Variants in MYO3B observed in about 807,000 individuals in gnomAD.
MYO3B encodes myosin-IIIb.
A neutral mutation model predicts 174.6 loss-of-function variants in MYO3B; 156 were observed. That is an observed-to-expected ratio of 0.89 (90% CI 0.78 to 1.02). The LOEUF (loss-of-function observed/expected upper bound fraction) is 1.02, where lower values mean the gene tolerates loss of function less well. Ranked by LOEUF, MYO3B falls within the 50% of genes least tolerant of loss-of-function variation. The pLI, the probability that MYO3B is intolerant of heterozygous loss-of-function variation, is 0.00. For missense variants in MYO3B, 1,632 were observed against 1,639.4 expected (o/e 1.00, Z 0.08); for synonymous variants, 563 against 569.1 (o/e 0.99, Z 0.15).
chr2:170,400,794 A>G (rs985180454), intron 17 of MYO3B, among the ~76,000 whole-genome samples: 1 of 152,072 alleles, frequency 6.6e-6, no homozygotes, highest in African/African-American at 2.4e-5. Context: ...AGTATTCTGC[A>G]GAAAAGAATT....
At chr2:170,553,791 T>C (rs1691087265) in intron 32 of MYO3B, among the ~76,000 whole-genome samples, 1 of 152,156 alleles carries the variant, frequency 6.6e-6, no homozygotes, top group Non-Finnish European at 1.5e-5. Context: ...TCCCCAGTGT[T>C]GGGAGAGAGA....
chr2:170,489,928 G>A (rs553496842), intron 25 of MYO3B, among the ~76,000 whole-genome samples: 1 of 150,890 alleles, frequency 6.6e-6, no homozygotes, highest in African/African-American at 2.4e-5. Context: ...ATGTTTTGTA[G>A]TTTTCAATGT....
chr2:170,247,261 T>A (rs2093201501), intron 7 of MYO3B, among the ~76,000 whole-genome samples: 1 of 152,176 alleles, frequency 6.6e-6, no homozygotes, highest in Admixed American at 6.5e-5. Flanking sequence ...GAGAGGTAGC[T>A]GTTGTGGCCT....
intron 7 of MYO3B, among the ~76,000 whole-genome samples, chr2:170,296,790 T>G (rs3845740): frequency 0.68 from 103,276 of 152,032 alleles, 35,224 homozygotes; most frequent in Admixed American, 0.73. Flanking sequence ...TGAGGAGGCT[T>G]CAAAAAACTT....
At chr2:170,225,764 T>G (rs2092945491) in intron 6 of MYO3B, among the ~76,000 whole-genome samples, 1 of 152,116 alleles carries the variant, frequency 6.6e-6, no homozygotes, top group Non-Finnish European at 1.5e-5. Flanking sequence ...TATTTCTGAC[T>G]AGTAAAATGG....
intron 32 of MYO3B, among the ~76,000 whole-genome samples, chr2:170,625,696 TA>T (rs1696354412): frequency 1.3e-5 from 2 of 152,152 alleles, no homozygotes; most frequent in South Asian, 4.1e-4. Context: ...CATTTAGTGC[TA>T]TAAGTTTCCC....
intron 32 of MYO3B, among the ~76,000 whole-genome samples, chr2:170,614,896 A>G (rs1695350873): frequency 6.6e-6 from 1 of 152,114 alleles, no homozygotes; most frequent in South Asian, 2.1e-4. Flanking sequence ...CTTGGAAGGT[A>G]ACTCTTACTA....
At chr2:170,308,943 G>T in intron 7 of MYO3B, among the ~76,000 whole-genome samples, 1 of 152,170 alleles carries the variant, frequency 6.6e-6, no homozygotes, top group Non-Finnish European at 1.5e-5. Flanking sequence ...AGGGGCCTGG[G>T]GTTAGACTGA....
At chr2:170,456,952 C>T (rs1683941663) in intron 23 of MYO3B, among the ~76,000 whole-genome samples, 1 of 152,222 alleles carries the variant, frequency 6.6e-6, no homozygotes, top group East Asian at 1.9e-4. Context: ...TAAGCTATCG[C>T]CTTTCGCTGT....
intron 32 of MYO3B, among the ~76,000 whole-genome samples, chr2:170,609,821 T>C (rs1034424754): frequency 6.6e-6 from 1 of 152,192 alleles, no homozygotes; most frequent in African/African-American, 2.4e-5. Flanking sequence ...TAGAGGAACT[T>C]CAGCCCTGCC....
chr2:170,198,255 G>T (rs1387671290), intron 1 of MYO3B, among the ~76,000 whole-genome samples: 1 of 151,998 alleles, frequency 6.6e-6, no homozygotes, highest in Non-Finnish European at 1.5e-5. Flanking sequence ...CCTTTCACTG[G>T]CTGCTTAAGG....
chr2:170,216,803 T>C lies in MYO3B; in HGVS notation c.527-516T>C, dbSNP rs531811907. 2.0e-5 allele frequency among the ~76,000 whole-genome samples: 3 copies of C among 152,306 alleles called. No individual in the cohort carries two copies. In the East Asian group the frequency reaches 5.8e-4, roughly 29 times the overall value. On this transcript the variant is annotated intron_variant, in intron 5 of 34. Transcript: ENST00000408978. ...AGTCATGTGAAATAATTTGGAAATA[T>C]AATAGGATGATATTTTGGATTGATC... is the stretch of plus-strand genomic sequence containing the variant.
intron 7 of MYO3B, among the ~76,000 whole-genome samples, chr2:170,272,290 A>G (rs2093431062): frequency 6.6e-6 from 1 of 152,052 alleles, no homozygotes; most frequent in African/African-American, 2.4e-5. Context: ...TCTGAGGCTC[A>G]CTCAAACTTG....
In MYO3B at chr2:170,537,448, ATTT is replaced by A. The variant is rs559086883; in HGVS notation, c.3576-5427_3576-5425del. Among the ~76,000 whole-genome samples the A allele has an allele frequency of 2.6e-4, 14 of 54,812 alleles. No homozygotes were observed. In the East Asian group the frequency reaches 5.1e-3, roughly 20 times the overall value. The allele number at this position is 54,812 out of a possible 152,430, so 36.0% of individuals were successfully genotyped here. On this transcript the variant is annotated intron_variant, in intron 30 of 34. Transcript: ENST00000408978. ...ACCTTCTCTTATTAAGAGCTCTTTG[ATTT>A]TTTTTTTTTTTTTTTTTTTTTTTTT...
intron 32 of MYO3B, among the ~76,000 whole-genome samples, chr2:170,587,938 A>G (rs1293940002): frequency 6.6e-6 from 1 of 152,212 alleles, no homozygotes; most frequent in African/African-American, 2.4e-5. Flanking sequence ...AATTTTCAGT[A>G]TGGATGAAAC....
chr2:170,459,931 C>G (rs1170458837), intron 23 of MYO3B, among the ~76,000 whole-genome samples: 3 of 152,106 alleles, frequency 2.0e-5, no homozygotes, highest in African/African-American at 7.2e-5. Context: ...GCAGGGCCGA[C>G]TGAGCCTGCC....
chr2:170,471,032 A>C (rs1301923917), intron 25 of MYO3B, among the ~76,000 whole-genome samples: 2 of 127,938 alleles, frequency 1.6e-5, no homozygotes, highest in African/African-American at 5.9e-5. Context: ...ATATTTTCTC[A>C]CTCTATGGGT....
intron 17 of MYO3B, 106 bp downstream of exon 17, chr2:170,400,420 T>TTTTA (rs1553482693): frequency 4.5e-5 from 55 of 1,213,108 alleles, no homozygotes; most frequent in Non-Finnish European, 5.3e-5. Context: ...TTTTTTTTTT[T>TTTTA]ATCGAGATGG....
At chr2:170,608,602 G>GA (rs555043787) in intron 32 of MYO3B, among the ~76,000 whole-genome samples, 172 of 145,160 alleles carry the variant, frequency 1.2e-3, no homozygotes, top group Middle Eastern at 3.6e-3. Flanking sequence ...CACCCAATAG[G>GA]AAAAAAAAAA....
Sources: gnomAD v4.1 joint callset for allele counts (sites outside exome capture counted in the v4.1 genomes callset) on GRCh38, gnomAD v4.1.1 for gene constraint, MANE v1.5 for transcripts, NCBI Gene and HGNC (gene_info 2026-07-23, HGNC 2026-07-21) for gene names.